LRRC8C: variants seen among roughly 807,000 people sequenced by gnomAD.
The protein encoded by LRRC8C is leucine rich repeat containing 8 VRAC subunit C, also known as volume-regulated anion channel subunit LRRC8C.
Under a neutral mutation model 55.3 loss-of-function variants are expected in LRRC8C, and 20 were observed. The observed-to-expected ratio is 0.36, with a 90% confidence interval of 0.25 to 0.53. LRRC8C has a LOEUF of 0.53. Ranked by LOEUF, LRRC8C falls within the 20% of genes least tolerant of loss-of-function variation. The probability of loss-of-function intolerance (pLI) is 0.92; values close to 1 mark genes in which losing one functional copy is unlikely to be tolerated. For missense variants in LRRC8C, 659 were observed against 951.4 expected (o/e 0.69, Z 4.04); for synonymous variants, 376 against 360.7 (o/e 1.04, Z -0.48).
the LRRC8C span, among the ~76,000 whole-genome samples, chr1:89,625,710 A>T: frequency 6.6e-6 from 1 of 152,216 alleles, no homozygotes; most frequent in Non-Finnish European, 1.5e-5. Context: ...CTTCAATTTC[A>T]CTACCGTGAT....
At chr1:89,708,210 C>T (rs1010698995) in intron 2 of LRRC8C, among the ~76,000 whole-genome samples, 6 of 151,938 alleles carry the variant, frequency 3.9e-5, no homozygotes, top group Admixed American at 6.6e-5. Flanking sequence ...AAGAAAATGG[C>T]GGAATTGCTC....
Position 89,714,082 on chromosome 1 carries a change from G to A in LRRC8C, c.1512G>A (p.Arg504=). Residue 504 remains arginine (R), a synonymous_variant, in exon 3 of 3, where the codon AGG becomes AGA. Coordinates refer to ENST00000370454, the MANE Select transcript of LRRC8C (RefSeq NM_032270.5). This position sits in a 1 kb window ranked among gnomAD's most constrained non-coding sequence, Gnocchi z 4.6. The part of the protein sequence containing the change: ...KVLSVKFDDM[R]ELPPWMYGLR... Reference sequence around the variant, plus strand: ...TGAGCGTCAAGTTTGATGACATGAGGGAACTCCCCCCCTGGATGTATGGGC... The same window carrying A: ...TGAGCGTCAAGTTTGATGACATGAGAGAACTCCCCCCCTGGATGTATGGGC... 1 of 1,614,014 alleles carries A rather than the reference G, an allele frequency of 6.2e-7. No individual in the cohort carries two copies. The highest frequency in any genetic ancestry group is 8.5e-7 in the Non-Finnish European group (1 of 1,180,006).
upstream of LRRC8C, among the ~76,000 whole-genome samples, chr1:89,630,876 GAACT>G (rs1456064496): frequency 6.6e-6 from 1 of 152,198 alleles, no homozygotes; most frequent in Non-Finnish European, 1.5e-5. Flanking sequence ...AAGAAGAGGT[GAACT>G]AACCAGTGTA....
At chr1:89,691,776 A>T (rs1369433902) in intron 2 of LRRC8C, among the ~76,000 whole-genome samples, 1 of 152,200 alleles carries the variant, frequency 6.6e-6, no homozygotes, top group African/African-American at 2.4e-5. Context: ...TTATGGAACC[A>T]TCACAATTGC....
At chr1:89,633,511 G>C (rs1239185813) in intron 1 of LRRC8C, among the ~76,000 whole-genome samples, 189 bp downstream of exon 1, 3 of 152,204 alleles carry the variant, frequency 2.0e-5, no homozygotes, top group Non-Finnish European at 4.4e-5. Context: ...CGCTACTGCG[G>C]CTCAGGAGCC....
At chr1:89,669,844 A>G (rs1246236459) in intron 1 of LRRC8C, among the ~76,000 whole-genome samples, 3 of 152,178 alleles carry the variant, frequency 2.0e-5, no homozygotes, top group South Asian at 2.1e-4. Context: ...AACCAATGAC[A>G]GATCTCCTCC....
chr1:89,674,506 A>G (rs1336709097), intron 1 of LRRC8C, among the ~76,000 whole-genome samples: 4 of 152,202 alleles, frequency 2.6e-5, no homozygotes, highest in Non-Finnish European at 5.9e-5. Flanking sequence ...TTTAGATACA[A>G]AGCCTTGCAT....
At chr1:89,650,084 T>C (rs891552877) in intron 1 of LRRC8C, among the ~76,000 whole-genome samples, 1 of 152,248 alleles carries the variant, frequency 6.6e-6, no homozygotes, top group Non-Finnish European at 1.5e-5. Context: ...ACACAGACAA[T>C]TGTACAGGAA....
intron 1 of LRRC8C, among the ~76,000 whole-genome samples, chr1:89,634,069 T>G (rs994571700): frequency 1.3e-5 from 2 of 152,168 alleles, no homozygotes; most frequent in Admixed American, 6.5e-5. Flanking sequence ...CCTCAGCCGG[T>G]TCTTCCCTCC....
chr1:89,620,726 T>A, the LRRC8C span, among the ~76,000 whole-genome samples: 1 of 152,242 alleles, frequency 6.6e-6, no homozygotes, highest in Non-Finnish European at 1.5e-5. Flanking sequence ...TCCTTTTAGC[T>A]ACTTGAGATT....
intron 2 of LRRC8C, among the ~76,000 whole-genome samples, chr1:89,712,498 G>C (rs1210527571): frequency 6.6e-6 from 1 of 152,072 alleles, no homozygotes; most frequent in Non-Finnish European, 1.5e-5. Flanking sequence ...ACTGTTTTAT[G>C]TCATAACTTA....
At position 89,712,201 on chromosome 1, in the gene LRRC8C, C is replaced by T. The variant is rs554623649; in HGVS notation, c.139-508C>T. On this transcript the variant is annotated intron_variant, in intron 2 of 2. Coordinates refer to ENST00000370454, the MANE Select transcript of LRRC8C (RefSeq NM_032270.5). Reference sequence around the variant, plus strand: ...GATCTCGGCTCACTGCAACCTCCACCTCCTGGGTTCAAGCAATTCTCCTGC... The same window carrying T: ...GATCTCGGCTCACTGCAACCTCCACTTCCTGGGTTCAAGCAATTCTCCTGC... Among the ~76,000 whole-genome samples the T allele has an allele frequency of 2.6e-5, 4 of 152,300 alleles. No homozygotes were observed. The East Asian group carries it at 5.8e-4, about 22-fold the overall frequency.
chr1:89,638,967 A>ATTATTTTATT (rs11270989), intron 1 of LRRC8C, among the ~76,000 whole-genome samples: 8,733 of 137,806 alleles, frequency 0.063, 369 homozygotes, highest in Middle Eastern at 0.096. Context: ...TATTTTACTT[A>ATTATTTTATT]TTATTTTATT....
At chr1:89,681,064 A>C (rs944762728) in intron 1 of LRRC8C, among the ~76,000 whole-genome samples, 16 of 152,252 alleles carry the variant, frequency 1.1e-4, no homozygotes, top group African/African-American at 3.9e-4. Flanking sequence ...AGGAAATATA[A>C]AATAGAAAAA....
At chr1:89,634,396 T>TA (rs1309406060) in intron 1 of LRRC8C, among the ~76,000 whole-genome samples, 3 of 152,056 alleles carry the variant, frequency 2.0e-5, no homozygotes, top group Non-Finnish European at 4.4e-5. Context: ...AAGGAATAGG[T>TA]AAAGGAAATC....
At position 89,654,952 on chromosome 1, in the gene LRRC8C, CCTT is replaced by C. The variant is rs1221955944; in HGVS notation, c.-5+21635_-5+21637del. Among the ~76,000 whole-genome samples the C allele has an allele frequency of 2.7e-5, 4 of 150,174 alleles. No individual in the cohort carries two copies. The East Asian group carries it at 5.9e-4, about 22-fold the overall frequency. On this transcript the variant is annotated intron_variant, in intron 1 of 2. Coordinates refer to ENST00000370454, the MANE Select transcript of LRRC8C (RefSeq NM_032270.5). ...TGAACTCCTAGGCCCAAGTGATCCT[CCTT>C]CTTCAGCCTCTTGAGTAGCTGGGAT...
At chr1:89,634,631 A>G (rs577639534) in intron 1 of LRRC8C, among the ~76,000 whole-genome samples, 4 of 152,240 alleles carry the variant, frequency 2.6e-5, no homozygotes, top group Non-Finnish European at 4.4e-5. Flanking sequence ...TAATTTTTAT[A>G]CATTTATAAA....
intron 2 of LRRC8C, among the ~76,000 whole-genome samples, chr1:89,687,052 G>A (rs1008445104): frequency 2.0e-5 from 3 of 152,110 alleles, no homozygotes; most frequent in Non-Finnish European, 2.9e-5. Flanking sequence ...TGAATGTTTA[G>A]TTCTGAATTT....
chr1:89,685,455 G>A (rs2101281033), intron 1 of LRRC8C, among the ~76,000 whole-genome samples: 1 of 152,294 alleles, frequency 6.6e-6, no homozygotes, highest in Non-Finnish European at 1.5e-5. Flanking sequence ...GGGAAGGAAG[G>A]TGAAATGTTT....
Sources: allele counts gnomAD v4.1 joint callset (sites outside exome capture counted in the v4.1 genomes callset), GRCh38; gene constraint gnomAD v4.1.1; non-coding constraint Gnocchi (gnomAD v3.1); transcripts MANE v1.5; gene names NCBI Gene and HGNC (gene_info 2026-07-23, HGNC 2026-07-21).